The following MORF4L1 variants were observed in gnomAD, a reference collection of about 807,000 sequenced individuals.
The protein encoded by MORF4L1 is mortality factor 4-like protein 1.
In MORF4L1, 4 loss-of-function variants were observed where a neutral mutation model predicts 52.9. That is an observed-to-expected ratio of 0.08 (90% CI 0.04 to 0.17). The LOEUF (loss-of-function observed/expected upper bound fraction) is 0.17. Among genes scored for constraint, MORF4L1 ranks in the 10% least tolerant of loss-of-function variants. The pLI is 1.00. For missense variants in MORF4L1, 214 were observed against 390.4 expected (o/e 0.55, Z 3.81); for synonymous variants, 123 against 134.8 (o/e 0.91, Z 0.61).
At chr15:78,887,140 ATC>A (rs2056720161) in intron 4 of MORF4L1, 127 bp from the exon 5 acceptor site, 6 of 712,668 alleles carry the variant, frequency 8.4e-6, no homozygotes. Flanking sequence ...TTGTGGAAAT[ATC>A]TCTGTCCAAC....
At chr15:78,889,537 A>G (rs1340427819) in intron 5 of MORF4L1, among the ~76,000 whole-genome samples, 1 of 152,172 alleles carries the variant, frequency 6.6e-6, no homozygotes. Flanking sequence ...ATCACCTGTC[A>G]GTATTTTAGT....
At chr15:78,894,333 T>G (rs2056848187) in intron 10 of MORF4L1, 103 bp downstream of exon 10, 4 of 886,210 alleles carry the variant, frequency 4.5e-6, no homozygotes, top group Non-Finnish European at 4.9e-6. Context: ...ACTCCCATTT[T>G]AATTTGAACT....
intron 3 of MORF4L1, among the ~76,000 whole-genome samples, chr15:78,884,633 C>T (rs1302118598): frequency 2.9e-5 from 3 of 101,764 alleles, no homozygotes; most frequent in Non-Finnish European, 5.9e-5. Flanking sequence ...GAGCGCAACT[C>T]TGTCTCAAAA....
intron 1 of MORF4L1, among the ~76,000 whole-genome samples, chr15:78,876,225 C>T (rs1452085212): frequency 6.6e-6 from 1 of 151,654 alleles, no homozygotes; most frequent in Non-Finnish European, 1.5e-5. Flanking sequence ...TGCGAGCCAC[C>T]GCGCCCGGCC....
chr15:78,886,555 G>A (rs1178328581), intron 4 of MORF4L1, among the ~76,000 whole-genome samples: 3 of 152,118 alleles, frequency 2.0e-5, no homozygotes, highest in Admixed American at 6.5e-5. Flanking sequence ...ACAAGCAAAC[G>A]AGGCATTTCC....
chr15:78,889,588 A>G (rs7179763), intron 5 of MORF4L1, among the ~76,000 whole-genome samples: 24,098 of 152,148 alleles, frequency 0.16, 2,101 homozygotes, highest in East Asian at 0.26. Flanking sequence ...TTGAGTGTGA[A>G]GACTATTGGT....
chr15:78,873,587 G>A (rs1331017795), intron 1 of MORF4L1: 5 of 166,628 alleles, frequency 3.0e-5, no homozygotes, highest in Admixed American at 6.5e-5. Context: ...GAAGTGCGTT[G>A]TAAAATGGCC....
At chr15:78,889,779 A>AT (rs1333069208) in intron 5 of MORF4L1, among the ~76,000 whole-genome samples, 1 of 152,232 alleles carries the variant, frequency 6.6e-6, no homozygotes, top group Non-Finnish European at 1.5e-5. Flanking sequence ...CCTAAATTAA[A>AT]TGAATATATT....
intron 1 of MORF4L1, among the ~76,000 whole-genome samples, chr15:78,875,319 G>A (rs765127763): frequency 1.3e-5 from 2 of 152,166 alleles, no homozygotes; most frequent in African/African-American, 2.4e-5. Context: ...AGATTTCCTT[G>A]TGCCGTTTTA....
In MORF4L1 at chr15:78,890,974, T is replaced by C. The variant is rs758364022; in HGVS notation, c.324-15T>C. On this transcript the variant is annotated splice_polypyrimidine_tract_variant and intron_variant, in intron 5 of 11. Coordinates refer to ENST00000426013, the MANE Select transcript of MORF4L1 (RefSeq NM_006791.4). ...ACTGGAAATAATTATTTTTCTTTTT[T>C]TTCTCTCCTTTTAGGAAAACGAAAA... The C allele has an allele frequency of 3.0e-5, 44 of 1,446,546 alleles. No individual in the cohort carries two copies. The highest frequency in any genetic ancestry group is 2.1e-4 in the Middle Eastern group (1 of 4,732). 89.6% of individuals were successfully genotyped at this position (1,446,546 alleles called of 1,614,324 possible).
At chr15:78,879,762 A>T (rs1045860242) in intron 2 of MORF4L1, among the ~76,000 whole-genome samples, 1 of 147,976 alleles carries the variant, frequency 6.8e-6, no homozygotes, top group Admixed American at 6.9e-5. Context: ...AGATAGCAAG[A>T]CTGTCTCTAC....
At chr15:78,895,862 G>C (rs2056878248) in intron 11 of MORF4L1, among the ~76,000 whole-genome samples, 1 of 151,966 alleles carries the variant, frequency 6.6e-6, no homozygotes, top group African/African-American at 2.4e-5. Context: ...TGAGAATGTA[G>C]GCAAGATTTA....
At chr15:78,879,915 G>C (rs2056570771) in intron 2 of MORF4L1, among the ~76,000 whole-genome samples, 1 of 152,150 alleles carries the variant, frequency 6.6e-6, no homozygotes, top group Non-Finnish European at 1.5e-5. Flanking sequence ...TTTTCGAATT[G>C]AAGCTATTGA....
chr15:78,893,609 G>A lies in MORF4L1; in HGVS notation c.611G>A (p.Arg204His), dbSNP rs755603876. The change falls in exon 9 of 12, where the codon CGT becomes CAT. Residue 204 changes from arginine (R) to histidine (H), a missense_variant. Arg to His is a conservative substitution (Grantham distance 29). Coordinates refer to ENST00000426013, the MANE Select transcript of MORF4L1 (RefSeq NM_006791.4). The part of the protein sequence containing the change: ...LEDYANYKKS[R>H]GNTDNKEYAV... ...GATTATGCAAATTACAAGAAATCTCGTGGAAACACAGATAATAAGTAAGAA... is the reference window on the plus strand; with the variant it reads ...GATTATGCAAATTACAAGAAATCTCATGGAAACACAGATAATAAGTAAGAA... 6.3e-6 allele frequency: 10 copies of A among 1,586,064 alleles called. No individual in the cohort carries two copies. Among genetic ancestry groups the A allele is most frequent in the East Asian group, 2.2e-5 (1 of 44,488 alleles).
At chr15:78,896,742 T>C (rs941279016) in intron 11 of MORF4L1, among the ~76,000 whole-genome samples, 3 of 152,224 alleles carry the variant, frequency 2.0e-5, no homozygotes, top group Non-Finnish European at 4.4e-5. Context: ...TGTTCTTTGC[T>C]GTTTAGAAAT....
In MORF4L1 at chr15:78,884,674, C is replaced by T. The variant is rs1236483377; in HGVS notation, c.156-1467C>T. On this transcript the variant is annotated intron_variant, in intron 3 of 11. Coordinates refer to ENST00000426013, the MANE Select transcript of MORF4L1 (RefSeq NM_006791.4). Reference sequence around the variant, plus strand: ...AAAAAAAAAAATACACACACACACACACACACACACACAAATATCTCAAAA... The same window carrying T: ...AAAAAAAAAAATACACACACACACATACACACACACACAAATATCTCAAAA... Among the ~76,000 whole-genome samples the T allele has an allele frequency of 2.7e-5, 4 of 146,994 alleles. No individual in the cohort carries two copies. In the South Asian group the frequency reaches 6.5e-4, roughly 24 times the overall value.
intron 11 of MORF4L1, among the ~76,000 whole-genome samples, chr15:78,895,292 GT>G (rs1258543739): frequency 6.8e-6 from 1 of 147,216 alleles, no homozygotes; most frequent in African/African-American, 2.5e-5. Context: ...TAAATGGTTG[GT>G]ACCTTTAATA....
chr15:78,877,843 C>G, intron 1 of MORF4L1: 1 of 166,864 alleles, frequency 6.0e-6, no homozygotes, highest in Non-Finnish European at 1.3e-5. Flanking sequence ...AGGTCCTCAA[C>G]TTAGAAAAAC....
At chr15:78,875,235 A>C (rs1038144557) in intron 1 of MORF4L1, among the ~76,000 whole-genome samples, 3 of 152,212 alleles carry the variant, frequency 2.0e-5, no homozygotes, top group Non-Finnish European at 2.9e-5. Flanking sequence ...CTGTGGGAAC[A>C]ACCTAAGGAT....
Sources: gnomAD v4.1 joint callset for allele counts (sites outside exome capture counted in the v4.1 genomes callset) on GRCh38, gnomAD v4.1.1 for gene constraint, MANE v1.5 for transcripts, NCBI Gene and HGNC (gene_info 2026-07-23, HGNC 2026-07-21) for gene names.